The following NRG1 variants were observed in gnomAD, a reference collection of about 807,000 sequenced individuals.
NRG1 encodes pro-neuregulin-1, membrane-bound isoform.
Under a neutral mutation model 63.8 loss-of-function variants are expected in NRG1, and 18 were observed. The observed-to-expected ratio is 0.28, with a 90% confidence interval of 0.19 to 0.42. The LOEUF is 0.42. NRG1 is among the 10% of genes least tolerant of loss of function. The probability of loss-of-function intolerance (pLI) is 1.00; values close to 1 mark genes in which losing one functional copy is unlikely to be tolerated. For missense variants in NRG1, 762 were observed against 814.7 expected (o/e 0.94, Z 0.79); for synonymous variants, 302 against 301.3 (o/e 1.00, Z -0.02).
At chr8:32,648,183 A>G in intron 5 of NRG1, 5 of 1,614,106 alleles carry the variant, frequency 3.1e-6, no homozygotes, top group Non-Finnish European at 4.2e-6. Context: ...GGTTCAAGTT[A>G]CAGTGCAAGG....
chr8:31,859,226 A>G (rs752761699), intron 1 of NRG1, among the ~76,000 whole-genome samples: 3 of 152,216 alleles, frequency 2.0e-5, no homozygotes, highest in East Asian at 1.9e-4. Flanking sequence ...TATAAAATAT[A>G]TAAAATGTGT....
At chr8:32,650,534 G>C (rs976411846) in intron 5 of NRG1, among the ~76,000 whole-genome samples, 6 of 151,712 alleles carry the variant, frequency 4.0e-5, no homozygotes, top group Non-Finnish European at 8.8e-5. Context: ...GGTGGGGAGA[G>C]GTTGTTGTGG....
At chr8:32,715,218 G>A (rs894989210) in intron 5 of NRG1, among the ~76,000 whole-genome samples, 1 of 152,136 alleles carries the variant, frequency 6.6e-6, no homozygotes, top group Non-Finnish European at 1.5e-5. Flanking sequence ...GCCTCTGAAA[G>A]TGCTGGGATT....
intron 1 of NRG1, among the ~76,000 whole-genome samples, chr8:32,322,189 TA>T (rs1013411023): frequency 6.7e-5 from 10 of 148,178 alleles, no homozygotes; most frequent in South Asian, 2.2e-4. Flanking sequence ...ACCCCATCTC[TA>T]AAAAAAAAGA....
chr8:31,863,544 G>C (rs375176838), intron 1 of NRG1, among the ~76,000 whole-genome samples: 1 of 152,068 alleles, frequency 6.6e-6, no homozygotes, highest in African/African-American at 2.4e-5. Flanking sequence ...GTCTCAGGGT[G>C]GTAAAAATGT....
intron 1 of NRG1, among the ~76,000 whole-genome samples, chr8:31,974,155 T>C (rs1382989750): frequency 2.0e-5 from 3 of 152,110 alleles, no homozygotes; most frequent in Non-Finnish European, 4.4e-5. Context: ...ACAACAGGCA[T>C]ATACATGACA....
At chr8:31,872,677 A>G (rs1829588956) in intron 1 of NRG1, among the ~76,000 whole-genome samples, 1 of 152,236 alleles carries the variant, frequency 6.6e-6, no homozygotes, top group Admixed American at 6.5e-5. Flanking sequence ...GGATAACCTC[A>G]ATTTATTCAG....
intron 7 of NRG1, chr8:32,748,633 C>G (rs1282632061): frequency 6.7e-6 from 3 of 449,138 alleles, no homozygotes; most frequent in Admixed American, 2.4e-5. Context: ...AGTCCACTTC[C>G]CTGGGCAGCC....
At chr8:31,834,183 T>G (rs1008311771) in intron 1 of NRG1, among the ~76,000 whole-genome samples, 11 of 152,170 alleles carry the variant, frequency 7.2e-5, no homozygotes, top group African/African-American at 2.7e-4. Flanking sequence ...GGTTGTCAGT[T>G]AGCTAAGCAT....
At chr8:32,433,054 C>A (rs1243809716) in intron 1 of NRG1, among the ~76,000 whole-genome samples, 1 of 152,096 alleles carries the variant, frequency 6.6e-6, no homozygotes, top group Non-Finnish European at 1.5e-5. Flanking sequence ...AGGGCAGGGG[C>A]TCTTGCACAT....
At chr8:32,522,443 A>G (rs1252476957) in intron 1 of NRG1, among the ~76,000 whole-genome samples, 1 of 152,220 alleles carries the variant, frequency 6.6e-6, no homozygotes, top group Non-Finnish European at 1.5e-5. Context: ...CCCTTGAATG[A>G]AAAGACTGAA....
At chr8:32,293,510 C>A (rs1184000712) in intron 1 of NRG1, among the ~76,000 whole-genome samples, 1 of 152,074 alleles carries the variant, frequency 6.6e-6, no homozygotes, top group African/African-American at 2.4e-5. Flanking sequence ...GTTAAGCCAG[C>A]AGGTTTGTAG....
chr8:32,705,451 T>C (rs1816146525), intron 5 of NRG1, among the ~76,000 whole-genome samples: 1 of 152,202 alleles, frequency 6.6e-6, no homozygotes, highest in African/African-American at 2.4e-5. Context: ...GTATTTTAAG[T>C]AGCCTCTGCT....
intron 1 of NRG1, among the ~76,000 whole-genome samples, chr8:31,725,186 G>A (rs1249744144): frequency 1.3e-5 from 2 of 152,120 alleles, no homozygotes; most frequent in East Asian, 3.8e-4. Flanking sequence ...CTTTCTCCAG[G>A]TGACTGCCTC....
intron 1 of NRG1, among the ~76,000 whole-genome samples, chr8:32,316,353 G>C (rs574767176): frequency 6.6e-6 from 1 of 151,932 alleles, no homozygotes; most frequent in Admixed American, 6.6e-5. Flanking sequence ...GCGCATGCCT[G>C]TAGTCCCAGC....
At chr8:32,239,738 A>T (rs1847921981) in intron 1 of NRG1, among the ~76,000 whole-genome samples, 1 of 152,192 alleles carries the variant, frequency 6.6e-6, no homozygotes, top group Non-Finnish European at 1.5e-5. Flanking sequence ...CAATTAGGAA[A>T]ATGGGCAAGA....
chr8:32,577,653 T>A, intron 1 of NRG1, among the ~76,000 whole-genome samples: 1 of 152,126 alleles, frequency 6.6e-6, no homozygotes, highest in East Asian at 1.9e-4. Flanking sequence ...TCTAACAACA[T>A]TTATTCTCAA....
intron 1 of NRG1, among the ~76,000 whole-genome samples, chr8:31,959,906 G>A (rs1189927421): frequency 1.3e-5 from 2 of 150,964 alleles, no homozygotes; most frequent in Non-Finnish European, 2.9e-5. Context: ...TGATCCCTCC[G>A]CCTCAGCCTC....
chr8:32,187,572 G>C lies in NRG1; in HGVS notation c.38-408256G>C, dbSNP rs530622240. Among the ~76,000 whole-genome samples, 46 of 152,260 alleles carry C rather than the reference G, an allele frequency of 3.0e-4. No homozygotes were observed. The South Asian group carries it at 9.5e-3, about 32-fold the overall frequency. ...TGGAGGTTTGCTTCCTGCACAAGGAGACATGTCTGTGATTTGTGAAGCATT... is the reference window on the plus strand; with the variant it reads ...TGGAGGTTTGCTTCCTGCACAAGGACACATGTCTGTGATTTGTGAAGCATT... On this transcript the variant is annotated intron_variant, in intron 1 of 10. Transcript: ENST00000519301.
Sources: allele counts gnomAD v4.1 joint callset (sites outside exome capture counted in the v4.1 genomes callset), GRCh38; gene constraint gnomAD v4.1.1; transcripts MANE v1.5; gene names NCBI Gene and HGNC (gene_info 2026-07-23, HGNC 2026-07-21).